Variants in GPHN observed in about 807,000 individuals in gnomAD.
GPHN encodes gephyrin.
GPHN carries 17 observed loss-of-function variants against 95.5 expected under a neutral mutation model. The ratio of observed to expected loss-of-function variants is 0.18; its 90% CI spans 0.12 to 0.27. The LOEUF (loss-of-function observed/expected upper bound fraction) is 0.27, where lower values mean the gene tolerates loss of function less well. GPHN is among the 10% of genes least tolerant of loss of function. The probability of loss-of-function intolerance (pLI) is 1.00; values close to 1 mark genes in which losing one functional copy is unlikely to be tolerated. For missense variants in GPHN, 660 were observed against 978.1 expected (o/e 0.67, Z 4.34); for synonymous variants, 320 against 322.5 (o/e 0.99, Z 0.08).
the GPHN span, among the ~76,000 whole-genome samples, chr14:67,542,281 T>C: frequency 6.6e-6 from 1 of 152,210 alleles, no homozygotes. Context: ...AGAGGTTCTA[T>C]TATTCCCTTA....
At chr14:67,416,014 C>G in the GPHN span, among the ~76,000 whole-genome samples, 1 of 152,150 alleles carries the variant, frequency 6.6e-6, no homozygotes, top group Non-Finnish European at 1.5e-5. Flanking sequence ...GGAAAAATAG[C>G]TAGTGCATGT....
At chr14:67,434,967 T>C in the GPHN span, among the ~76,000 whole-genome samples, 1 of 142,760 alleles carries the variant, frequency 7.0e-6, no homozygotes, top group Admixed American at 6.8e-5. Context: ...CTCTTCTCTC[T>C]CTCTTTTTTT....
At chr14:67,477,885 AGTCT>A in the GPHN span, among the ~76,000 whole-genome samples, 1 of 152,202 alleles carries the variant, frequency 6.6e-6, no homozygotes. Flanking sequence ...GCGGTCTCAA[AGTCT>A]GTCTGGCTTC....
intron 1 of GPHN, among the ~76,000 whole-genome samples, chr14:66,592,457 GAAA>G (rs34846317): frequency 7.1e-4 from 76 of 106,972 alleles, no homozygotes; most frequent in African/African-American, 3.2e-3. Flanking sequence ...AAATATACAA[GAAA>G]AAAAAAAAAA....
chr14:67,338,608 A>G, the GPHN span: 1 of 1,609,582 alleles, frequency 6.2e-7, no homozygotes. Context: ...TCAAAGAACC[A>G]GAACAGGAAA....
the GPHN span, among the ~76,000 whole-genome samples, chr14:67,191,552 A>G: frequency 2.6e-5 from 4 of 152,162 alleles, no homozygotes; most frequent in African/African-American, 7.2e-5. Context: ...CACATTTCCA[A>G]AAATTTCCAG....
intron 5 of GPHN, among the ~76,000 whole-genome samples, chr14:66,894,330 T>C (rs936095067): frequency 2.0e-5 from 3 of 152,160 alleles, no homozygotes; most frequent in Non-Finnish European, 4.4e-5. Flanking sequence ...TGAAACTGGA[T>C]CCCTTCCTTA....
At chr14:67,094,191 C>T (rs66502330) in intron 12 of GPHN, among the ~76,000 whole-genome samples, 2,557 of 152,018 alleles carry the variant, frequency 0.017, 27 homozygotes, top group Non-Finnish European at 0.025. Context: ...TGAAGATCAT[C>T]GTTTTCTGTG....
the GPHN span, among the ~76,000 whole-genome samples, chr14:67,710,201 C>T: frequency 2.6e-5 from 4 of 152,294 alleles, no homozygotes; most frequent in East Asian, 7.7e-4. Flanking sequence ...GTCATCAGGA[C>T]TTCCTGAGGC....
chr14:67,230,962 C>G, the GPHN span, among the ~76,000 whole-genome samples: 4 of 152,266 alleles, frequency 2.6e-5, no homozygotes, highest in South Asian at 8.3e-4. Flanking sequence ...GGAATCATCC[C>G]CTTGCAGCTA....
intron 4 of GPHN, among the ~76,000 whole-genome samples, chr14:66,861,276 A>G (rs1202655167): frequency 1.3e-5 from 2 of 152,126 alleles, no homozygotes; most frequent in Admixed American, 6.5e-5. Flanking sequence ...AAGAAGAGAC[A>G]AAGTCATTAT....
intron 9 of GPHN, among the ~76,000 whole-genome samples, chr14:66,968,850 T>G (rs8018750): frequency 0.33 from 49,382 of 151,722 alleles, 12,843 homozygotes; most frequent in African/African-American, 0.7. Flanking sequence ...CATAATAAAT[T>G]CTAGAATTGA....
chr14:66,915,853 T>C, intron 5 of GPHN, 150 bp from the exon 6 acceptor site: 1 of 684,430 alleles, frequency 1.5e-6, no homozygotes. Context: ...GCCTAATTTG[T>C]ATAGCAAGCA....
intron 10 of GPHN, among the ~76,000 whole-genome samples, chr14:67,033,019 C>G (rs1594879289): frequency 1.3e-5 from 2 of 151,970 alleles, no homozygotes; most frequent in African/African-American, 4.8e-5. Flanking sequence ...AAATGGACAA[C>G]TAAACAAAAT....
At chr14:67,565,808 C>T in the GPHN span, among the ~76,000 whole-genome samples, 1 of 152,102 alleles carries the variant, frequency 6.6e-6, no homozygotes, top group African/African-American at 2.4e-5. Flanking sequence ...GCAGTAACTC[C>T]CAGGGCCTCC....
chr14:66,932,117 G>A (rs1427103999), intron 8 of GPHN, among the ~76,000 whole-genome samples: 5 of 152,210 alleles, frequency 3.3e-5, no homozygotes, highest in Non-Finnish European at 7.3e-5. Context: ...GAGGTACTCT[G>A]ACTCTTATAG....
intron 9 of GPHN, among the ~76,000 whole-genome samples, chr14:67,003,386 A>G (rs1567201471): frequency 1.3e-5 from 2 of 151,712 alleles, no homozygotes; most frequent in African/African-American, 4.8e-5. Context: ...ATTGACATAT[A>G]TGGATTAATG....
chr14:67,066,217 G>A (rs1247034449), intron 11 of GPHN, among the ~76,000 whole-genome samples: 1 of 152,124 alleles, frequency 6.6e-6, no homozygotes, highest in Admixed American at 6.5e-5. Context: ...GAAATTCTGG[G>A]TTGAAAATTC....
the GPHN span, among the ~76,000 whole-genome samples, chr14:67,517,767 A>G: frequency 6.6e-6 from 1 of 152,170 alleles, no homozygotes. Context: ...AGCTATTTTT[A>G]TCTCCACTTT....
Sources: allele counts gnomAD v4.1 joint callset (sites outside exome capture counted in the v4.1 genomes callset), GRCh38; gene constraint gnomAD v4.1.1; transcripts MANE v1.5; gene names NCBI Gene and HGNC (gene_info 2026-07-23, HGNC 2026-07-21).